The following TTYH3 variants were observed in gnomAD, a reference collection of about 807,000 sequenced individuals.
TTYH3 encodes the protein protein tweety homolog 3.
A neutral mutation model predicts 68.2 loss-of-function variants in TTYH3; 23 were observed. That is an observed-to-expected ratio of 0.34 (90% CI 0.24 to 0.48). The LOEUF is 0.48. TTYH3 is among the 20% of genes least tolerant of loss of function. TTYH3 has a pLI of 0.99. For missense variants in TTYH3, 768 were observed against 727.7 expected, an observed-to-expected ratio of 1.06 and a Z score of -0.64; for synonymous variants, 360 against 332.8, an observed-to-expected ratio of 1.08 and a Z score of -0.89.
chr7:2,641,443 G>T (rs1241044101), intron 1 of TTYH3, among the ~76,000 whole-genome samples: 1 of 151,472 alleles, frequency 6.6e-6, no homozygotes, highest in African/African-American at 2.4e-5. Context: ...TAGGGTGGGG[G>T]CAGGGGGACT....
chr7:2,659,261 G>A (rs1243392391), intron 13 of TTYH3, among the ~76,000 whole-genome samples: 1 of 152,198 alleles, frequency 6.6e-6, no homozygotes, highest in Non-Finnish European at 1.5e-5. Context: ...GTGTCCTGGG[G>A]CCAGAGTGGG....
rs1452734546 is a variant in TTYH3 at position 2,632,130 on chromosome 7, G to C, written c.-26G>C. 1.5e-6 allele frequency: 2 copies of C among 1,363,272 alleles called. No individual in the cohort carries two copies. The highest frequency in any genetic ancestry group is 3.2e-5 in the Admixed American group (1 of 30,906). 84.4% of individuals were successfully genotyped at this position (1,363,272 alleles called of 1,614,324 possible). ...CAAGGGAGCCCCGCGCAGGCCGCGC[G>C]CATCCGGAGGCGGCCGGGCCCCGCC... On this transcript the variant is annotated 5_prime_UTR_variant, in exon 1 of 14. Coordinates refer to ENST00000258796, the MANE Select transcript of TTYH3 (RefSeq NM_025250.3).
intron 1 of TTYH3, among the ~76,000 whole-genome samples, chr7:2,637,427 G>A (rs1192564078): frequency 1.3e-5 from 2 of 152,136 alleles, no homozygotes; most frequent in African/African-American, 4.8e-5. Context: ...CCCGACATAA[G>A]CAGAAACGGG....
chr7:2,634,131 G>A (rs778751314), intron 1 of TTYH3, among the ~76,000 whole-genome samples: 2 of 152,210 alleles, frequency 1.3e-5, no homozygotes, highest in Non-Finnish European at 2.9e-5. Flanking sequence ...AATAATTCAC[G>A]ATGTGGAAAC....
At position 2,647,226 on chromosome 7, in the gene TTYH3, C is replaced by A; in HGVS notation, c.378C>A (p.Asn126Lys). The A allele has an allele frequency of 6.3e-7, 1 of 1,599,152 alleles. No individual in the cohort carries two copies. ...CCACCTACTCGCTCCGCCACGCCAA[C>A]CGCACGGTGGCCGGGGTCCAGGACC... ...HRATYSLRHA[N>K]RTVAGVQDRV... The change falls in exon 3 of 14, where the codon AAC becomes AAA. Residue 126 changes from asparagine (N) to lysine (K), a missense_variant. Physicochemically the swap from Asn to Lys is moderately conservative, Grantham distance 94. Transcript: ENST00000258796.
At chr7:2,656,610 A>G (rs980702570) in intron 11 of TTYH3, 76 bp downstream of exon 11, 2 of 1,512,834 alleles carry the variant, frequency 1.3e-6, no homozygotes, top group Admixed American at 2.0e-5. Context: ...GCATGCCTTT[A>G]TGGACACCCA....
chr7:2,639,078 T>C (rs1290905981), intron 1 of TTYH3, among the ~76,000 whole-genome samples: 1 of 152,122 alleles, frequency 6.6e-6, no homozygotes, highest in African/African-American at 2.4e-5. Flanking sequence ...CACTGGGGTG[T>C]GGGACCCCAG....
At chr7:2,649,074 C>G (rs942439723) in intron 5 of TTYH3, among the ~76,000 whole-genome samples, 1 of 151,986 alleles carries the variant, frequency 6.6e-6, no homozygotes, top group Admixed American at 6.6e-5. Context: ...GCCTGTGTAT[C>G]TGGATCAAAG....
In TTYH3 at chr7:2,632,250, T is replaced by G; in HGVS notation, c.95T>G (p.Phe32Cys). Residue 32 changes from phenylalanine (F) to cysteine (C), a missense_variant, in exon 1 of 14, where the codon TTC becomes TGC. Phe to Cys is a radical substitution (Grantham distance 205, BLOSUM62 -2). Coordinates refer to ENST00000258796, the MANE Select transcript of TTYH3 (RefSeq NM_025250.3). ...DLSWEATSSQ[F>C]RPEDTDYQQA... The stretch of plus-strand genomic sequence containing the variant: ...AGCTGGGAGGCCACTAGCAGCCAGT[T>G]CCGGCCCGAGGACACCGACTACCAG... 5.7e-6 allele frequency: 9 copies of G among 1,587,274 alleles called. No homozygotes were observed. Among genetic ancestry groups the G allele is most frequent in the Non-Finnish European group, 7.7e-6 (9 of 1,165,224 alleles).
rs750203194 is a variant in TTYH3, at chr7:2,649,591, C to T, written c.747C>T (p.Ala249=). The T allele has an allele frequency of 1.3e-6, 2 of 1,596,006 alleles. No individual in the cohort carries two copies. The highest frequency in any genetic ancestry group is 2.2e-5 in the South Asian group (2 of 89,326). Residue 249 remains alanine (A), a synonymous_variant, in exon 6 of 14, where the codon GCC becomes GCT. Transcript: ENST00000258796. ...LVGVCLLGVL[A]LVISWGALGL... is the part of the protein sequence containing the mutation. The stretch of plus-strand genomic sequence containing the variant: ...GGGTCTGCCTGCTGGGAGTCCTGGC[C>T]CTGGTCATCAGCTGGGGCGCGCTGG...
At chr7:2,648,394 C>G (rs1201246678) in intron 5 of TTYH3, 1 of 265,402 alleles carries the variant, frequency 3.8e-6, no homozygotes, top group Non-Finnish European at 7.1e-6. Flanking sequence ...TCCTCCACCC[C>G]TTCCATCCTT....
chr7:2,659,124 G>T, intron 13 of TTYH3, 109 bp downstream of exon 13: 3 of 1,139,098 alleles, frequency 2.6e-6, no homozygotes, highest in Non-Finnish European at 2.6e-6. Flanking sequence ...TGAGCTCTGG[G>T]GGCAGCTGTG....
At chr7:2,640,549 G>C (rs1466378893) in intron 1 of TTYH3, among the ~76,000 whole-genome samples, 3 of 152,240 alleles carry the variant, frequency 2.0e-5, no homozygotes, top group African/African-American at 7.2e-5. Flanking sequence ...CACCTGTGCA[G>C]GTGGCAGGCA....
At chr7:2,640,418 G>T (rs954610069) in intron 1 of TTYH3, among the ~76,000 whole-genome samples, 1 of 152,024 alleles carries the variant, frequency 6.6e-6, no homozygotes, top group Non-Finnish European at 1.5e-5. Context: ...GGGGACGTGT[G>T]TTCCATAGGC....
chr7:2,647,851 C>A, intron 4 of TTYH3, 108 bp from the exon 5 acceptor site: 1 of 1,329,868 alleles, frequency 7.5e-7, no homozygotes, highest in Non-Finnish European at 1.1e-6. Flanking sequence ...TCTGAATGCC[C>A]TCTGGGGTGC....
Position 2,645,319 on chromosome 7 carries a change from A to G in TTYH3, c.124-1534A>G, listed in dbSNP as rs1039043677. Reference sequence around the variant, plus strand: ...TGTGCTTTCTCTGTAGCTTCTATGAAGCCCAGTTTCCCTGTGGATGAAATG... The same window carrying G: ...TGTGCTTTCTCTGTAGCTTCTATGAGGCCCAGTTTCCCTGTGGATGAAATG... On this transcript the variant is annotated intron_variant, in intron 1 of 13. Transcript: ENST00000258796. The surrounding 1 kb of genome is among the most constrained non-coding windows in gnomAD (Gnocchi z 4.8). Among the ~76,000 whole-genome samples the G allele has an allele frequency of 2.6e-5, 4 of 152,170 alleles. No individual in the cohort carries two copies. The highest frequency in any genetic ancestry group is 9.7e-5 in the African/African-American group (4 of 41,418).
At chr7:2,654,945 C>A (rs903325328) in intron 9 of TTYH3, among the ~76,000 whole-genome samples, 2 of 151,696 alleles carry the variant, frequency 1.3e-5, no homozygotes, top group Non-Finnish European at 2.9e-5. Flanking sequence ...AGCTCATTTT[C>A]CTCTTCTTAT....
chr7:2,663,398 G>A lies in TTYH3; in HGVS notation c.*1659G>A, dbSNP rs1451995449. Reference sequence around the variant, plus strand: ...TGTGAACCCCTCCTTTCTTTGTGCTGGTGTCTGGGACCAAAAAGGGGGAAT... The same window carrying A: ...TGTGAACCCCTCCTTTCTTTGTGCTAGTGTCTGGGACCAAAAAGGGGGAAT... On this transcript the variant is annotated 3_prime_UTR_variant, in exon 14 of 14. Transcript: ENST00000258796. 6.5e-6 allele frequency: 1 copy of A among 152,850 alleles called. No individual in the cohort carries two copies. Among genetic ancestry groups the A allele is most frequent in the Admixed American group, 6.5e-5 (1 of 15,292 alleles). 9.5% of individuals were successfully genotyped at this position (152,850 alleles called of 1,614,324 possible).
At chr7:2,648,351 C>T (rs1378856548) in intron 5 of TTYH3, 1 of 354,622 alleles carries the variant, frequency 2.8e-6, no homozygotes, top group Middle Eastern at 7.4e-4. Flanking sequence ...CTCCGAGTGC[C>T]TGGGGCCACC....
Sources: gnomAD v4.1 joint callset for allele counts (sites outside exome capture counted in the v4.1 genomes callset) on GRCh38, gnomAD v4.1.1 for gene constraint, Gnocchi (gnomAD v3.1) non-coding constraint, MANE v1.5 for transcripts, NCBI Gene and HGNC (gene_info 2026-07-23, HGNC 2026-07-21) for gene names.